The following CACNA1E variants were observed in gnomAD, a reference collection of about 807,000 sequenced individuals.
CACNA1E encodes the protein calcium voltage-gated channel subunit alpha1 E.
A neutral mutation model predicts 259.2 loss-of-function variants in CACNA1E; 40 were observed. The ratio of observed to expected loss-of-function variants is 0.15; its 90% CI spans 0.12 to 0.20. CACNA1E has a LOEUF of 0.20. Ranked by LOEUF, CACNA1E falls within the 10% of genes least tolerant of loss-of-function variation. CACNA1E has a pLI of 1.00. For missense variants in CACNA1E, 1,874 were observed against 3,040.1 expected, an observed-to-expected ratio of 0.62 and a Z score of 9.02; for synonymous variants, 1,104 against 1,138.5, an observed-to-expected ratio of 0.97 and a Z score of 0.61.
chr1:181,544,572 G>A (rs1647253223), intron 3 of CACNA1E, among the ~76,000 whole-genome samples: 1 of 152,190 alleles, frequency 6.6e-6, no homozygotes, highest in Non-Finnish European at 1.5e-5. Flanking sequence ...AACCTATAAG[G>A]TGCCAGAGGC....
chr1:181,381,573 G>T (rs750305674), intron 1 of CACNA1E, among the ~76,000 whole-genome samples: 2 of 152,116 alleles, frequency 1.3e-5, no homozygotes, highest in African/African-American at 4.8e-5. Context: ...AAATGGCTAT[G>T]TTCGTTATCT....
At chr1:181,607,256 T>C (rs1654323560) in intron 6 of CACNA1E, among the ~76,000 whole-genome samples, 1 of 152,216 alleles carries the variant, frequency 6.6e-6, no homozygotes, top group African/African-American at 2.4e-5. Flanking sequence ...AAAGAATTCT[T>C]GTCCTTAAGG....
intron 6 of CACNA1E, among the ~76,000 whole-genome samples, chr1:181,601,745 A>G (rs1307878056): frequency 6.6e-6 from 1 of 152,134 alleles, no homozygotes; most frequent in African/African-American, 2.4e-5. Context: ...GAACATCCTT[A>G]TGATCCTGGC....
At chr1:181,346,874 G>C (rs1034531567) in intron 1 of CACNA1E, among the ~76,000 whole-genome samples, 2 of 152,104 alleles carry the variant, frequency 1.3e-5, no homozygotes, top group African/African-American at 4.8e-5. Context: ...TGGACCATAA[G>C]GAAGTCTCTC....
At chr1:181,565,632 G>A in intron 3 of CACNA1E, among the ~76,000 whole-genome samples, 1 of 152,200 alleles carries the variant, frequency 6.6e-6, no homozygotes, top group East Asian at 1.9e-4. Context: ...AAAGACCTTA[G>A]GGATGAAGTA....
chr1:181,540,015 T>C (rs995449354), intron 3 of CACNA1E, among the ~76,000 whole-genome samples: 2 of 152,204 alleles, frequency 1.3e-5, no homozygotes, highest in African/African-American at 4.8e-5. Context: ...CTCCTCCTTA[T>C]CATCACCATC....
intron 1 of CACNA1E, among the ~76,000 whole-genome samples, chr1:181,350,734 C>A (rs912695256): frequency 6.6e-6 from 1 of 152,168 alleles, no homozygotes; most frequent in Admixed American, 6.5e-5. Context: ...ACTTGGAAAT[C>A]ATCAGAAATG....
Position 181,510,770 on chromosome 1 carries a change from G to A in CACNA1E, c.372+188G>A, listed in dbSNP as rs56233035. 0.099 allele frequency among the ~76,000 whole-genome samples: 15,136 copies of A among 152,232 alleles called. 815 individuals carry two copies. The highest frequency in any genetic ancestry group is 0.15 in the Middle Eastern group (44 of 294). ...GAAAAGAAGAGATTACAAACACTGT[G>A]TCTGTGCTGCGTGGCAGCCAGGGAA... On this transcript the variant is annotated intron_variant, in intron 2 of 47. Transcript: ENST00000367573.
chr1:181,645,467 G>T (rs1222495438), intron 6 of CACNA1E, among the ~76,000 whole-genome samples: 2 of 152,120 alleles, frequency 1.3e-5, no homozygotes, highest in Non-Finnish European at 2.9e-5. Flanking sequence ...TTCTTGGCAT[G>T]TCTTCATCTT....
chr1:181,459,951 C>A (rs2102369778), intron 2 of CACNA1E, among the ~76,000 whole-genome samples: 1 of 152,306 alleles, frequency 6.6e-6, no homozygotes, highest in East Asian at 1.9e-4. Flanking sequence ...TACCAATGGC[C>A]AGCTAGGTAA....
At chr1:181,731,036 C>T in intron 18 of CACNA1E, 139 bp from the exon 19 acceptor site, 3 of 681,950 alleles carry the variant, frequency 4.4e-6, no homozygotes, top group South Asian at 1.7e-5. Context: ...GGGGAGTCTA[C>T]AGAAGGCAAG....
At chr1:181,620,439 A>G (rs1055745274) in intron 6 of CACNA1E, among the ~76,000 whole-genome samples, 11 of 152,154 alleles carry the variant, frequency 7.2e-5, no homozygotes, top group African/African-American at 2.7e-4. Context: ...AATTGAATTC[A>G]TTTCTTGTTT....
At chr1:181,658,269 C>A (rs1659369472) in intron 7 of CACNA1E, among the ~76,000 whole-genome samples, 1 of 152,034 alleles carries the variant, frequency 6.6e-6, no homozygotes, top group Non-Finnish European at 1.5e-5. Context: ...TGGACTCTCT[C>A]TGGTTTGGAA....
intron 27 of CACNA1E, 21 bp downstream of exon 27, chr1:181,752,260 T>C: frequency 6.6e-7 from 1 of 1,517,514 alleles, no homozygotes; most frequent in Non-Finnish European, 9.2e-7. Context: ...CAGAGTTTGT[T>C]CCCATCAAAT....
intron 6 of CACNA1E, among the ~76,000 whole-genome samples, chr1:181,645,473 A>T (rs988301872): frequency 1.3e-5 from 2 of 151,964 alleles, no homozygotes; most frequent in Admixed American, 1.3e-4. Context: ...GCATGTCTTC[A>T]TCTTAATCTT....
intron 1 of CACNA1E, among the ~76,000 whole-genome samples, chr1:181,356,848 C>G (rs2101903506): frequency 6.6e-6 from 1 of 152,200 alleles, no homozygotes; most frequent in Middle Eastern, 3.4e-3. Flanking sequence ...CCCCACTCTC[C>G]TGAGCCCTGG....
chr1:181,428,605 G>C (rs376383525), intron 2 of CACNA1E, among the ~76,000 whole-genome samples: 23 of 152,200 alleles, frequency 1.5e-4, no homozygotes, highest in African/African-American at 5.5e-4. Flanking sequence ...GGTGATGGTT[G>C]GTGTGTGCTG....
At chr1:181,458,500 G>A (rs767913783) in intron 2 of CACNA1E, among the ~76,000 whole-genome samples, 30 of 152,312 alleles carry the variant, frequency 2.0e-4, no homozygotes, top group African/African-American at 5.8e-4. Context: ...GGCAAGAACC[G>A]CAAGGGAACA....
intron 6 of CACNA1E, among the ~76,000 whole-genome samples, chr1:181,633,407 G>A (rs911110786): frequency 6.6e-6 from 1 of 152,142 alleles, no homozygotes; most frequent in Non-Finnish European, 1.5e-5. Flanking sequence ...AGATGAGGCA[G>A]TTAAGGGGCA....
Sources: allele counts gnomAD v4.1 joint callset (sites outside exome capture counted in the v4.1 genomes callset), GRCh38; gene constraint gnomAD v4.1.1; transcripts MANE v1.5; gene names NCBI Gene and HGNC (gene_info 2026-07-23, HGNC 2026-07-21).